The following DMD variants were observed in gnomAD, a reference collection of about 807,000 sequenced individuals.
The protein encoded by DMD is mutant dystrophin.
Under a neutral mutation model 330.1 loss-of-function variants are expected in DMD, and 63 were observed. The ratio of observed to expected loss-of-function variants is 0.19; its 90% CI spans 0.16 to 0.24. DMD has a LOEUF of 0.24. DMD is among the 10% of genes least tolerant of loss of function. DMD has a pLI of 1.00. For missense variants in DMD, 3,344 were observed against 2,684.1 expected, an observed-to-expected ratio of 1.25 and a Z score of -5.43; for synonymous variants, 1,223 against 959.8, an observed-to-expected ratio of 1.27 and a Z score of -5.07.
At position 32,472,144 on chromosome X, in the gene DMD, A is replaced by G. The variant is rs2040706498; in HGVS notation, c.2949+20T>C. The G allele has an allele frequency of 7.5e-6, 9 of 1,207,727 alleles. No homozygotes were observed. The highest frequency in any genetic ancestry group is 3.0e-5 in the East Asian group (1 of 33,796). On this transcript the variant is annotated intron_variant, in intron 22 of 78. Coordinates refer to ENST00000357033, the MANE Select transcript of DMD (RefSeq NM_004006.3). ...TTGATAAGCGTGCTTTATTGTTTTG[A>G]CATTCAAATATTCACAGACCTGCAA...
intron 15 of DMD, among the ~76,000 whole-genome samples, chrX:32,571,207 T>A (rs1265959493): frequency 8.9e-6 from 1 of 111,928 alleles, no homozygotes. Flanking sequence ...TGACTGCATT[T>A]TGATAATCAG....
chrX:32,719,682 T>G (rs891719699), intron 7 of DMD, among the ~76,000 whole-genome samples: 4 of 111,841 alleles, frequency 3.6e-5, no homozygotes, highest in African/African-American at 9.7e-5. Context: ...CTTACTTTTG[T>G]GTTCTTATTT....
chrX:31,860,256 C>T (rs986021640), intron 48 of DMD, among the ~76,000 whole-genome samples: 6 of 112,226 alleles, frequency 5.3e-5, no homozygotes, highest in African/African-American at 9.7e-5. Context: ...AAAGTATAAA[C>T]ATATTTAGGG....
intron 1 of DMD, among the ~76,000 whole-genome samples, chrX:33,069,678 T>C (rs1295650319): frequency 9.0e-6 from 1 of 111,669 alleles, no homozygotes; most frequent in Non-Finnish European, 1.9e-5. Flanking sequence ...TCATAGGCAA[T>C]GTATTCCAAG....
intron 41 of DMD, among the ~76,000 whole-genome samples, chrX:32,329,603 T>G (rs12388894): frequency 8.9e-6 from 1 of 112,319 alleles, no homozygotes; most frequent in Non-Finnish European, 1.9e-5. Context: ...ATATTATTCA[T>G]GTTTCATGTG....
At chrX:31,679,942 C>T (rs948356723) in intron 52 of DMD, among the ~76,000 whole-genome samples, 5 of 112,227 alleles carry the variant, frequency 4.5e-5, no homozygotes, top group Non-Finnish European at 9.4e-5. Context: ...TTTCCCAGTG[C>T]CAGCATTTCA....
intron 63 of DMD, among the ~76,000 whole-genome samples, chrX:31,235,924 C>T (rs746731805): frequency 8.9e-6 from 1 of 112,457 alleles, no homozygotes; most frequent in Non-Finnish European, 1.9e-5. Context: ...TCACTCAACA[C>T]CCCTTCCCAA....
chrX:33,317,422 A>G (rs1217964182), intron 1 of DMD, among the ~76,000 whole-genome samples: 1 of 112,008 alleles, frequency 8.9e-6, no homozygotes, highest in Non-Finnish European at 1.9e-5. Context: ...TTCTATGCTT[A>G]CATTTTAGAA....
At chrX:33,075,058 T>C (rs1360385531) in intron 1 of DMD, among the ~76,000 whole-genome samples, 1 of 111,996 alleles carries the variant, frequency 8.9e-6, no homozygotes, top group African/African-American at 3.2e-5. Flanking sequence ...TGCCAGCCAT[T>C]ATTCCAGAGG....
At chrX:32,005,700 A>G (rs1394537784) in intron 44 of DMD, among the ~76,000 whole-genome samples, 1 of 111,184 alleles carries the variant, frequency 9.0e-6, no homozygotes, top group East Asian at 2.8e-4. Context: ...TTCCTTCTTT[A>G]TTATATCAAA....
intron 29 of DMD, among the ~76,000 whole-genome samples, chrX:32,417,990 A>C (rs888123459): frequency 2.7e-5 from 3 of 110,879 alleles, no homozygotes; most frequent in Non-Finnish European, 5.7e-5. Context: ...GTGGAGGTGT[A>C]AGATGGAATC....
At chrX:31,485,343 C>T (rs765813701) in intron 57 of DMD, among the ~76,000 whole-genome samples, 6 of 111,109 alleles carry the variant, frequency 5.4e-5, no homozygotes, top group South Asian at 3.8e-4. Flanking sequence ...TACAGGCACG[C>T]GCCACCACAC....
intron 7 of DMD, among the ~76,000 whole-genome samples, chrX:32,748,848 A>G (rs1275994798): frequency 1.8e-5 from 2 of 112,456 alleles, no homozygotes; most frequent in Non-Finnish European, 3.8e-5. Context: ...GCAGCAAGTC[A>G]CTTCCTTACA....
intron 41 of DMD, among the ~76,000 whole-genome samples, chrX:32,327,646 G>C (rs2097657922): frequency 9.0e-6 from 1 of 111,289 alleles, no homozygotes; most frequent in Non-Finnish European, 1.9e-5. Context: ...TTACAATCCA[G>C]ATAGTTTCTC....
intron 13 of DMD, among the ~76,000 whole-genome samples, chrX:32,585,116 C>T (rs970875681): frequency 1.8e-5 from 2 of 110,796 alleles, no homozygotes; most frequent in Non-Finnish European, 3.8e-5. Flanking sequence ...TGTTCTCATT[C>T]ACATGTGGGA....
At chrX:32,534,565 G>A (rs939826693) in intron 17 of DMD, among the ~76,000 whole-genome samples, 6 of 111,167 alleles carry the variant, frequency 5.4e-5, no homozygotes, top group Non-Finnish European at 1.1e-4. Context: ...TTGCAGAACC[G>A]TGAGCCAGTT....
At chrX:32,330,046 T>C (rs2097671568) in intron 41 of DMD, among the ~76,000 whole-genome samples, 1 of 112,442 alleles carries the variant, frequency 8.9e-6, no homozygotes, top group Non-Finnish European at 1.9e-5. Context: ...TGGTGCTAAA[T>C]TTGAGAATGC....
At chrX:32,558,261 C>A (rs770270456) in intron 16 of DMD, among the ~76,000 whole-genome samples, 65 of 111,576 alleles carry the variant, frequency 5.8e-4, no homozygotes, top group Non-Finnish European at 9.0e-4. Flanking sequence ...ATTAACTGCA[C>A]CTGCAAAAAT....
chrX:32,735,571 T>C (rs1296709524), intron 7 of DMD, among the ~76,000 whole-genome samples: 5 of 110,923 alleles, frequency 4.5e-5, no homozygotes, highest in Non-Finnish European at 9.4e-5. Flanking sequence ...AACAGAGATA[T>C]AGATCAATGG....
Sources: gnomAD v4.1 joint callset for allele counts (sites outside exome capture counted in the v4.1 genomes callset) on GRCh38, gnomAD v4.1.1 for gene constraint, MANE v1.5 for transcripts, NCBI Gene and HGNC (gene_info 2026-07-23, HGNC 2026-07-21) for gene names.